SULT2B1: variants seen among roughly 807,000 people sequenced by gnomAD.
SULT2B1 encodes sulfotransferase 2B1.
In SULT2B1, 16 loss-of-function variants were observed where a neutral mutation model predicts 33.2. The observed-to-expected ratio is 0.48, with a 90% confidence interval of 0.33 to 0.73. The LOEUF is 0.73. Ranked by LOEUF, SULT2B1 falls within the 30% of genes least tolerant of loss-of-function variation. The pLI is 0.02. For missense variants in SULT2B1, 500 were observed against 506.0 expected (o/e 0.99, Z 0.11); for synonymous variants, 186 against 200.5 (o/e 0.93, Z 0.61).
intron 3 of SULT2B1, among the ~76,000 whole-genome samples, chr19:48,589,546 G>A (rs1045017859): frequency 1.3e-5 from 2 of 152,162 alleles, no homozygotes; most frequent in East Asian, 3.8e-4. Context: ...AGAGAGGGGG[G>A]GCTGCAATCA....
At chr19:48,586,469 G>A (rs1973562915) in intron 2 of SULT2B1, among the ~76,000 whole-genome samples, 1 of 152,176 alleles carries the variant, frequency 6.6e-6, no homozygotes. Flanking sequence ...GAGAGGGAGT[G>A]GAGAGTCACG....
intron 1 of SULT2B1, among the ~76,000 whole-genome samples, chr19:48,558,139 A>G (rs529145612): frequency 6.6e-6 from 1 of 152,068 alleles, no homozygotes; most frequent in South Asian, 2.1e-4. Flanking sequence ...CATTTTAACT[A>G]CTATCATCCC....
chr19:48,597,106 C>T lies in SULT2B1; in HGVS notation c.826+187C>T, dbSNP rs138458856. On this transcript the variant is annotated intron_variant, in intron 6 of 6. Coordinates refer to ENST00000201586, the MANE Select transcript of SULT2B1 (RefSeq NM_177973.2). ...TGACTCAGCACACGTGCCAGCCACCCGAGGCGTCCCCATCCAGAGAACTCC... is the reference window on the plus strand; with the variant it reads ...TGACTCAGCACACGTGCCAGCCACCTGAGGCGTCCCCATCCAGAGAACTCC... Among the ~76,000 whole-genome samples the T allele has an allele frequency of 2.4e-4, 37 of 152,212 alleles. No individual in the cohort carries two copies. The East Asian group carries it at 5.8e-3, about 24-fold the overall frequency.
At chr19:48,577,747 T>C (rs1303989707) in intron 2 of SULT2B1, among the ~76,000 whole-genome samples, 2 of 152,118 alleles carry the variant, frequency 1.3e-5, no homozygotes, top group African/African-American at 4.8e-5. Flanking sequence ...AACAAGTATT[T>C]ATTAAACACA....
At chr19:48,579,202 T>G (rs1477528079) in intron 2 of SULT2B1, among the ~76,000 whole-genome samples, 1 of 152,204 alleles carries the variant, frequency 6.6e-6, no homozygotes, top group Non-Finnish European at 1.5e-5. Flanking sequence ...TTTTATTTAT[T>G]CATCAGTTGA....
chr19:48,555,097 C>G (rs940551404), intron 1 of SULT2B1, among the ~76,000 whole-genome samples: 1 of 151,602 alleles, frequency 6.6e-6, no homozygotes, highest in African/African-American at 2.4e-5. Flanking sequence ...AATATTATTA[C>G]TATTATTTTT....
At position 48,563,969 on chromosome 19, in the gene SULT2B1, A is replaced by C. The variant is rs140545549; in HGVS notation, c.71+11646A>C. ...ACAGAGACTTCCTCTCAAAAAAAAA[A>C]AAAAACAAAAGAAGAGGAAGAAGAA... On this transcript the variant is annotated intron_variant, in intron 1 of 6. Coordinates refer to ENST00000201586, the MANE Select transcript of SULT2B1 (RefSeq NM_177973.2). 7.2e-3 allele frequency among the ~76,000 whole-genome samples: 1,089 copies of C among 151,548 alleles called. 19 individuals carry two copies. Among genetic ancestry groups the C allele is most frequent in the African/African-American group, 0.025 (1,013 of 41,276 alleles).
At chr19:48,591,035 G>A (rs1252233455) in intron 3 of SULT2B1, 1 of 152,198 alleles carries the variant, frequency 6.6e-6, no homozygotes, top group Non-Finnish European at 1.5e-5. Flanking sequence ...GTCTCATTAT[G>A]TTGTCCAGGC....
intron 2 of SULT2B1, among the ~76,000 whole-genome samples, chr19:48,577,927 A>G (rs1189287558): frequency 3.9e-5 from 6 of 152,278 alleles, no homozygotes; most frequent in Middle Eastern, 6.8e-3. Context: ...GAAGAAAAGT[A>G]GAGGGTAGGC....
Position 48,576,094 on chromosome 19 carries a change from G to C in SULT2B1, c.214+11G>C. ...CCTACCCCAAGTCAGGTACCTGCCG[G>C]GCTGCGGGCGTCGGGGGCTGGGGAG... On this transcript the variant is annotated intron_variant, in intron 2 of 6. Coordinates refer to ENST00000201586, the MANE Select transcript of SULT2B1 (RefSeq NM_177973.2). 6.2e-7 allele frequency: 1 copy of C among 1,602,414 alleles called. No homozygotes were observed. The highest frequency in any genetic ancestry group is 8.5e-7 in the Non-Finnish European group (1 of 1,173,758).
intron 5 of SULT2B1, 98 bp from the exon 6 acceptor site, chr19:48,596,641 C>A (rs1234856425): frequency 6.9e-6 from 9 of 1,312,264 alleles, no homozygotes; most frequent in African/African-American, 1.5e-5. Context: ...GTCCCTCAGG[C>A]AGCCCCAGGT....
intron 4 of SULT2B1, among the ~76,000 whole-genome samples, chr19:48,592,004 GAGAC>G (rs539596254): frequency 7.7e-4 from 117 of 152,138 alleles, no homozygotes; most frequent in African/African-American, 2.5e-3. Context: ...GGCAACAAAA[GAGAC>G]AGGGGCCCGG....
Position 48,575,969 on chromosome 19 carries a change from T to C in SULT2B1, c.100T>C (p.Tyr34His). The C allele has an allele frequency of 6.2e-7, 1 of 1,613,738 alleles. No homozygotes were observed. The highest frequency in any genetic ancestry group is 1.1e-5 in the South Asian group (1 of 91,076). The part of the protein sequence containing the change: ...SQKLPGEYFR[Y>H]KGVPFPVGLY... ...GAAGTTGCCAGGTGAATACTTCCGG[T>C]ACAAGGGCGTCCCCTTCCCCGTCGG... The change falls in exon 2 of 7, where the codon TAC (tyrosine) becomes CAC (histidine). Residue 34 changes from tyrosine to histidine, a missense_variant. Tyr to His is a moderately conservative substitution (Grantham distance 83). Coordinates refer to ENST00000201586, the MANE Select transcript of SULT2B1 (RefSeq NM_177973.2).
chr19:48,573,096 G>A (rs1039918827), intron 1 of SULT2B1, among the ~76,000 whole-genome samples: 1 of 150,832 alleles, frequency 6.6e-6, no homozygotes, highest in Admixed American at 6.6e-5. Flanking sequence ...GGCGGAGGTT[G>A]CAGTGAGCCG....
chr19:48,578,072 G>A (rs988479442), intron 2 of SULT2B1, among the ~76,000 whole-genome samples: 4 of 151,614 alleles, frequency 2.6e-5, no homozygotes, highest in African/African-American at 9.7e-5. Context: ...AATTAGCCAG[G>A]CGTGGTGGTG....
Position 48,575,961 on chromosome 19 carries a change from A to C in SULT2B1, c.92A>C (p.Tyr31Ser). Residue 31 changes from tyrosine to serine, a missense_variant, in exon 2 of 7, where the codon TAC becomes TCC. By Grantham distance (144) the Tyr-to-Ser change is moderately radical (BLOSUM62 -2). Coordinates refer to ENST00000201586, the MANE Select transcript of SULT2B1 (RefSeq NM_177973.2). ...CACAGCCAGAAGTTGCCAGGTGAAT[A>C]CTTCCGGTACAAGGGCGTCCCCTTC... is the stretch of plus-strand genomic sequence containing the variant. Reference protein sequence around the residue: ...SEISQKLPGEYFRYKGVPFPV... With the variant: ...SEISQKLPGESFRYKGVPFPV... 1.2e-6 allele frequency: 2 copies of C among 1,612,998 alleles called. No homozygotes were observed. The highest frequency in any genetic ancestry group is 1.7e-6 in the Non-Finnish European group (2 of 1,179,284).
intron 1 of SULT2B1, among the ~76,000 whole-genome samples, chr19:48,564,673 T>A (rs1472169243): frequency 2.0e-5 from 3 of 152,102 alleles, no homozygotes; most frequent in South Asian, 2.1e-4. Flanking sequence ...TTTAAATTTT[T>A]AAAATTTTTT....
intron 1 of SULT2B1, among the ~76,000 whole-genome samples, chr19:48,558,823 T>C (rs1279756225): frequency 6.6e-6 from 1 of 151,764 alleles, no homozygotes; most frequent in Non-Finnish European, 1.5e-5. Flanking sequence ...TAGCTGGGAC[T>C]ACAGGCGTGC....
At chr19:48,569,549 T>C (rs1050931257) in intron 1 of SULT2B1, among the ~76,000 whole-genome samples, 7 of 151,606 alleles carry the variant, frequency 4.6e-5, no homozygotes, top group African/African-American at 1.7e-4. Flanking sequence ...TTTAAAGAGA[T>C]TGGGTTCTCA....
Sources: allele counts gnomAD v4.1 joint callset (sites outside exome capture counted in the v4.1 genomes callset), GRCh38; gene constraint gnomAD v4.1.1; transcripts MANE v1.5; gene names NCBI Gene and HGNC (gene_info 2026-07-23, HGNC 2026-07-21).